CORO6: variants seen among roughly 807,000 people sequenced by gnomAD.
The protein encoded by CORO6 is coronin 6.
CORO6 carries 43 observed loss-of-function variants against 49.0 expected under a neutral mutation model. The ratio of observed to expected loss-of-function variants is 0.88; its 90% CI spans 0.69 to 1.13. The LOEUF is 1.13. Ranked by LOEUF, CORO6 falls within the 50% of genes most tolerant of loss-of-function variation. The probability of loss-of-function intolerance (pLI) is 0.00; values close to 1 mark genes in which losing one functional copy is unlikely to be tolerated. For synonymous variants in CORO6, 233 were observed against 256.5 expected, an observed-to-expected ratio of 0.91 and a Z score of 0.88; for missense variants, 650 against 647.0, an observed-to-expected ratio of 1.00 and a Z score of -0.05.
Position 29,621,359 on chromosome 17 carries a change from G to A in CORO6, c.63C>T (p.Ala21=), listed in dbSNP as rs376655912. ...CACGGATGTCCTCGTAGGCCTGGTC[G>A]GCCTTTGCTGCCTGCCCAAACACAT... The part of the protein sequence containing the change: ...FRHVFGQAAK[A]DQAYEDIRVS... The change falls in exon 2 of 11, where the codon GCC becomes GCT. Residue 21 remains alanine, a synonymous_variant. Transcript: ENST00000388767. The surrounding 1 kb of genome is among the most constrained non-coding windows in gnomAD (Gnocchi z 4.2). The A allele has an allele frequency of 1.2e-5, 20 of 1,614,004 alleles. No individual in the cohort carries two copies. The highest frequency in any genetic ancestry group is 1.6e-5 in the Non-Finnish European group (19 of 1,180,016).
In CORO6 at chr17:29,621,307, A is replaced by C. The variant is rs1268325506; in HGVS notation, c.115T>G (p.Phe39Val). ...AGGAATTTGGGGTTGACGGCACAGAAGGAGCTGTCCCATGTGACCTTGGAC... is the reference window on the plus strand; with the variant it reads ...AGGAATTTGGGGTTGACGGCACAGACGGAGCTGTCCCATGTGACCTTGGAC... ...RVSKVTWDSS[F>V]CAVNPKFLAI... The change falls in exon 2 of 11, where the codon TTC becomes GTC. Residue 39 changes from phenylalanine to valine, a missense_variant. Coordinates refer to ENST00000388767, the MANE Select transcript of CORO6 (RefSeq NM_032854.4). This position sits in a 1 kb window ranked among gnomAD's most constrained non-coding sequence, Gnocchi z 4.2. 6.2e-7 allele frequency: 1 copy of C among 1,614,190 alleles called. No homozygotes were observed. The highest frequency in any genetic ancestry group is 1.1e-5 in the South Asian group (1 of 91,084).
Position 29,622,309 on chromosome 17 carries a change from G to A in CORO6, c.-64+379C>T, listed in dbSNP as rs1307717011. The A allele has an allele frequency of 2.6e-5, 4 of 154,778 alleles. No individual in the cohort carries two copies. The East Asian group carries it at 5.8e-4, about 22-fold the overall frequency. 9.6% of individuals were successfully genotyped at this position (154,778 alleles called of 1,614,324 possible). On this transcript the variant is annotated intron_variant, in intron 1 of 10. Transcript: ENST00000388767. ...GCCAAGCCAGATTTGCAGGGGTGGG[G>A]AGGGTGAGGTGCCTTTTCTCCAGCT... is the stretch of plus-strand genomic sequence containing the variant.
chr17:29,615,937 G>C lies in CORO6; in HGVS notation c.1293+8C>G. The C allele has an allele frequency of 2.5e-6, 4 of 1,577,788 alleles. No homozygotes were observed. The highest frequency in any genetic ancestry group is 3.4e-6 in the Non-Finnish European group (4 of 1,160,556). On this transcript the variant is annotated splice_region_variant and intron_variant, in intron 10 of 10. Coordinates refer to ENST00000388767, the MANE Select transcript of CORO6 (RefSeq NM_032854.4). ...GATTGGGCCAGAGTGCAGCAGGGCC[G>C]ATCTTACCGACAAGGGGGCGTCGCT... is the stretch of plus-strand genomic sequence containing the variant.
rs1199422950 is a variant in CORO6, at chr17:29,619,167, G to A, written c.344C>T (p.Thr115Ile). The A allele has an allele frequency of 6.2e-7, 1 of 1,613,708 alleles. No individual in the cohort carries two copies. Among genetic ancestry groups the A allele is most frequent in the Admixed American group, 1.7e-5 (1 of 59,974 alleles). The change falls in exon 4 of 11, where the codon ACC (threonine) becomes ATC (isoleucine). Residue 115 changes from threonine to isoleucine, a missense_variant. Transcript: ENST00000388767. ...TIMVWQIPDY[T>I]PMRNITEPII... ...AGGTTCCGTAATGTTGCGCATGGGG[G>A]TATAGTCTGGAATCTGCCACACCTG...
At position 29,616,345 on chromosome 17, in the gene CORO6, G is replaced by A. The variant is rs2034910026; in HGVS notation, c.1005-9C>T. 2 of 1,597,810 alleles carry A rather than the reference G, an allele frequency of 1.3e-6. No homozygotes were observed. Among genetic ancestry groups the A allele is most frequent in the Admixed American group, 1.7e-5 (1 of 57,964 alleles). On this transcript the variant is annotated splice_polypyrimidine_tract_variant and intron_variant, in intron 8 of 10. Transcript: ENST00000388767. This position sits in a 1 kb window ranked among gnomAD's most constrained non-coding sequence, Gnocchi z 5.6. ...CGTGTAGCTTGTAGAACCTATAAGGGAGCAGGGTTCAGCACCCTCGCAGAC... is the reference window on the plus strand; with the variant it reads ...CGTGTAGCTTGTAGAACCTATAAGGAAGCAGGGTTCAGCACCCTCGCAGAC...
intron 10 of CORO6, 44 bp from the exon 11 acceptor site, chr17:29,615,901 G>C: frequency 6.3e-7 from 1 of 1,588,032 alleles, no homozygotes; most frequent in Non-Finnish European, 8.6e-7. Context: ...GGGGCGGTTG[G>C]GGGAGATGTA....
chr17:29,619,183 GC>G lies in CORO6; in HGVS notation c.327del (p.Trp109CysfsTer47). 6.2e-7 allele frequency: 1 copy of G among 1,613,522 alleles called. No individual in the cohort carries two copies. Among genetic ancestry groups the G allele is most frequent in the South Asian group, 1.1e-5 (1 of 91,052 alleles). The stretch of plus-strand genomic sequence containing the variant: ...CGCATGGGGGTATAGTCTGGAATCT[GC>G]CACACCTGGGTAGGAAGAAAAGGTA... ...SASDDTTIMV[W>X]QIPDYTPMRN... On this transcript the variant is annotated frameshift_variant, in exon 4 of 11. Transcript: ENST00000388767. LOFTEE classifies it high-confidence loss of function.
Position 29,615,695 on chromosome 17 carries a change from T to C in CORO6, c.*37A>G. 1.4e-6 allele frequency: 2 copies of C among 1,460,700 alleles called. No homozygotes were observed. The highest frequency in any genetic ancestry group is 9.0e-7 in the Non-Finnish European group (1 of 1,109,806). The allele number at this position is 1,460,700 out of a possible 1,614,324, so 90.5% of individuals were successfully genotyped here. A position where few individuals can be genotyped will look rare whatever the true frequency, so the allele number is the denominator to read the frequency against. ...AAAAGCCGGGGCGGGGCCGAGCTTG[T>C]GCGCCCCGCCCCGCTCCGCCTGCCT... On this transcript the variant is annotated 3_prime_UTR_variant, in exon 11 of 11. Transcript: ENST00000388767.
intron 5 of CORO6, chr17:29,618,234 C>T (rs2035106507): frequency 3.0e-6 from 4 of 1,322,242 alleles, no homozygotes; most frequent in Non-Finnish European, 3.9e-6. Context: ...CGCGCTTGCT[C>T]CACGCAGACA....
Position 29,615,805 on chromosome 17 carries a change from C to A in CORO6, c.1346G>T (p.Arg449Leu), listed in dbSNP as rs2034837228. ...GATGCGCTGCTCCTGGGCCTGCACCCGCTCGCGGAGGGCCTTGATCTCTTC... is the reference window on the plus strand; with the variant it reads ...GATGCGCTGCTCCTGGGCCTGCACCAGCTCGCGGAGGGCCTTGATCTCTTC... ...LLEEIKALRE[R>L]VQAQEQRITA... The change falls in exon 11 of 11, where the codon CGG (arginine) becomes CTG (leucine). Residue 449 changes from arginine (R) to leucine (L), a missense_variant. Coordinates refer to ENST00000388767, the MANE Select transcript of CORO6 (RefSeq NM_032854.4). 2 of 1,569,662 alleles carry A rather than the reference C, an allele frequency of 1.3e-6. No homozygotes were observed. The highest frequency in any genetic ancestry group is 1.7e-6 in the Non-Finnish European group (2 of 1,158,446).
chr17:29,615,599 AG>A lies in CORO6; in HGVS notation c.*132del. The A allele has an allele frequency of 1.0e-6, 1 of 969,404 alleles. No homozygotes were observed. Among genetic ancestry groups the A allele is most frequent in the Non-Finnish European group, 1.5e-6 (1 of 684,990 alleles). The allele number at this position is 969,404 out of a possible 1,614,324, so 60.1% of individuals were successfully genotyped here. ...GCTCCAAGAGTTCTGGTCTCCCGCGAGGGGCGGAGTTCCCTCCCCAGTCCCG... is the reference window on the plus strand; with the variant it reads ...GCTCCAAGAGTTCTGGTCTCCCGCGAGGGCGGAGTTCCCTCCCCAGTCCCG... On this transcript the variant is annotated 3_prime_UTR_variant, in exon 11 of 11. Transcript: ENST00000388767.
chr17:29,618,590 C>G (rs2035131563), intron 5 of CORO6, 200 bp downstream of exon 5: 1 of 1,408,264 alleles, frequency 7.1e-7, no homozygotes, highest in Admixed American at 3.0e-5. Flanking sequence ...GAACAGGAGC[C>G]GGGCAGAGAA....
At chr17:29,618,648 C>G (rs2035135132) in intron 5 of CORO6, 142 bp downstream of exon 5, 1 of 1,433,438 alleles carries the variant, frequency 7.0e-7, no homozygotes, top group Non-Finnish European at 9.1e-7. Context: ...GTTGCAGAGA[C>G]GGGGGAAGGG....
In CORO6 at chr17:29,616,854, A is replaced by G; in HGVS notation, c.859-7T>C. On this transcript the variant is annotated splice_region_variant and splice_polypyrimidine_tract_variant and intron_variant, in intron 7 of 10. Transcript: ENST00000388767. This position sits in a 1 kb window ranked among gnomAD's most constrained non-coding sequence, Gnocchi z 5.6. Reference sequence around the variant, plus strand: ...ACCGAATGCTGCTGTCGCCCTGCAAAATCAGTCGGTTCAGGGGCGCGCCCG... The same window carrying G: ...ACCGAATGCTGCTGTCGCCCTGCAAGATCAGTCGGTTCAGGGGCGCGCCCG... 6.2e-7 allele frequency: 1 copy of G among 1,612,828 alleles called. No individual in the cohort carries two copies. The highest frequency in any genetic ancestry group is 8.5e-7 in the Non-Finnish European group (1 of 1,179,302).
At position 29,622,819 on chromosome 17, in the gene CORO6, G is replaced by A. The variant is rs767132185; in HGVS notation, c.-195C>T. On this transcript the variant is annotated 5_prime_UTR_variant, in exon 1 of 11. Coordinates refer to ENST00000388767, the MANE Select transcript of CORO6 (RefSeq NM_032854.4). Reference sequence around the variant, plus strand: ...CGGGTGTCTGTAGTATCTGGGACCCGGGTGTCCAGCTCCGCACTCTGGCCG... The same window carrying A: ...CGGGTGTCTGTAGTATCTGGGACCCAGGTGTCCAGCTCCGCACTCTGGCCG... 6 of 1,309,344 alleles carry A rather than the reference G, an allele frequency of 4.6e-6. No individual in the cohort carries two copies. The highest frequency in any genetic ancestry group is 6.0e-6 in the Non-Finnish European group (6 of 993,432). The allele number at this position is 1,309,344 out of a possible 1,614,324, so 81.1% of individuals were successfully genotyped here. A position where few individuals can be genotyped will look rare whatever the true frequency, so the allele number is the denominator to read the frequency against.
rs972132363 is a variant in CORO6, at chr17:29,619,752, A to G, written c.220T>C (p.Tyr74His). Reference sequence around the variant, plus strand: ...GCAGTGTGCCCAGTGACCAGTGGGTAGTTCTTATCCACTCGCCCTGTCTGA... The same window carrying G: ...GCAGTGTGCCCAGTGACCAGTGGGTGGTTCTTATCCACTCGCCCTGTCTGA... ...LAKTGRVDKNYPLVTGHTAPV... is the reference protein window; with the variant it reads ...LAKTGRVDKNHPLVTGHTAPV... Residue 74 changes from tyrosine to histidine, a missense_variant, in exon 3 of 11, where the codon TAC (tyrosine) becomes CAC (histidine). Coordinates refer to ENST00000388767, the MANE Select transcript of CORO6 (RefSeq NM_032854.4). The G allele has an allele frequency of 1.2e-6, 2 of 1,612,966 alleles. No homozygotes were observed. The highest frequency in any genetic ancestry group is 2.7e-5 in the African/African-American group (2 of 74,938).
Position 29,621,926 on chromosome 17 carries a change from A to G in CORO6, c.-63-442T>C, listed in dbSNP as rs781552260. 59 of 167,062 alleles carry G rather than the reference A, an allele frequency of 3.5e-4. No individual in the cohort carries two copies. The highest frequency in any genetic ancestry group is 6.6e-5 in the Non-Finnish European group (5 of 75,882). The allele number at this position is 167,062 out of a possible 1,614,324, so 10.3% of individuals were successfully genotyped here. A position where few individuals can be genotyped will look rare whatever the true frequency, so the allele number is the denominator to read the frequency against. On this transcript the variant is annotated intron_variant, in intron 1 of 10. Coordinates refer to ENST00000388767, the MANE Select transcript of CORO6 (RefSeq NM_032854.4). The surrounding 1 kb of genome is among the most constrained non-coding windows in gnomAD (Gnocchi z 4.2). The stretch of plus-strand genomic sequence containing the variant: ...ATGGGGCCAAGACTGCAGCCACCAC[A>G]GGATACCGAACTCGCATCTCTGGAA...
At chr17:29,618,361 C>T (rs913220530) in intron 5 of CORO6, 12 of 1,285,930 alleles carry the variant, frequency 9.3e-6, no homozygotes, top group African/African-American at 1.5e-5. Flanking sequence ...GCCCCATCCC[C>T]CGCCCAGCGG....
rs542114976 is a variant in CORO6 at position 29,615,524 on chromosome 17, G to T, written c.*208C>A. On this transcript the variant is annotated 3_prime_UTR_variant, in exon 11 of 11. Coordinates refer to ENST00000388767, the MANE Select transcript of CORO6 (RefSeq NM_032854.4). ...CTAGGCCAGCTCCAGCCGAGTCCCA[G>T]ACGAGGCTCGCAGTCCAGCCTCCGC... 47 of 565,542 alleles carry T rather than the reference G, an allele frequency of 8.3e-5. No homozygotes were observed. In the Admixed American group the frequency reaches 1.7e-3, roughly 20 times the overall value. The allele number at this position is 565,542 out of a possible 1,614,324, so 35.0% of individuals were successfully genotyped here. A position where few individuals can be genotyped will look rare whatever the true frequency, so the allele number is the denominator to read the frequency against.
Sources: gnomAD v4.1 joint callset for allele counts on GRCh38, gnomAD v4.1.1 for gene constraint, Gnocchi (gnomAD v3.1) non-coding constraint, MANE v1.5 for transcripts, NCBI Gene and HGNC (gene_info 2026-07-23, HGNC 2026-07-21) for gene names.